Variants in PATJ observed in about 807,000 individuals in gnomAD.
PATJ encodes the protein PATJ crumbs cell polarity complex component, also known as inaD-like protein.
Under a neutral mutation model 224.9 loss-of-function variants are expected in PATJ, and 190 were observed. That is an observed-to-expected ratio of 0.84 (90% CI 0.75 to 0.95). The LOEUF (loss-of-function observed/expected upper bound fraction) is 0.95, where lower values mean the gene tolerates loss of function less well. Among genes scored for constraint, PATJ ranks in the 40% least tolerant of loss-of-function variants. PATJ has a pLI of 0.00. For missense variants in PATJ, 2,121 were observed against 2,270.3 expected (o/e 0.93, Z 1.34); for synonymous variants, 769 against 820.3 (o/e 0.94, Z 1.07).
At chr1:62,120,697 T>C in intron 37 of PATJ, among the ~76,000 whole-genome samples, 1 of 152,208 alleles carries the variant, frequency 6.6e-6, no homozygotes, top group East Asian at 1.9e-4. Context: ...GATTTGGTGC[T>C]TTTTTCCCCA....
At chr1:61,844,444 C>T (rs556089449) in intron 17 of PATJ, among the ~76,000 whole-genome samples, 8 of 152,290 alleles carry the variant, frequency 5.3e-5, no homozygotes, top group South Asian at 2.1e-4. Flanking sequence ...CTAACAATTA[C>T]GTACTGCTTA....
chr1:61,893,805 G>T (rs2498987), intron 22 of PATJ, among the ~76,000 whole-genome samples: 35,536 of 149,574 alleles, frequency 0.24, 4,853 homozygotes, highest in African/African-American at 0.37. Context: ...AAAAAGAAGT[G>T]AATGCCTATA....
chr1:61,896,728 TG>T (rs1359360017), intron 22 of PATJ, among the ~76,000 whole-genome samples: 1 of 152,156 alleles, frequency 6.6e-6, no homozygotes, highest in Non-Finnish European at 1.5e-5. Context: ...GATTGGATCA[TG>T]GGGGAAGTTT....
rs112825074 is a variant in PATJ, at chr1:61,824,120, A to G, written c.1818+1041A>G. Among the ~76,000 whole-genome samples, 564 of 152,240 alleles carry G rather than the reference A, an allele frequency of 3.7e-3. 7 individuals carry two copies. Among genetic ancestry groups the G allele is most frequent in the African/African-American group, 0.013 (539 of 41,550 alleles). ...GGCCATATCTTTGTGGATATCATAC[A>G]TGATCATTTGTAGATTGGAAACTAT... On this transcript the variant is annotated intron_variant, in intron 15 of 43. Transcript: ENST00000642238.
intron 27 of PATJ, among the ~76,000 whole-genome samples, chr1:61,959,434 C>CTTTTT (rs1367332894): frequency 8.6e-6 from 1 of 115,976 alleles, no homozygotes; most frequent in African/African-American, 3.4e-5. Flanking sequence ...TATTTTTTTT[C>CTTTTT]TTTTCTTTTT....
intron 18 of PATJ, among the ~76,000 whole-genome samples, chr1:61,858,114 G>A (rs1221280879): frequency 6.6e-6 from 1 of 152,280 alleles, no homozygotes; most frequent in Non-Finnish European, 1.5e-5. Context: ...CAGTTCTACA[G>A]CCTGTACAGG....
intron 27 of PATJ, among the ~76,000 whole-genome samples, chr1:61,940,006 G>GCTTCATATCCTAAGGGATATGTCC (rs1553212598): frequency 3.3e-5 from 5 of 151,912 alleles, no homozygotes; most frequent in Non-Finnish European, 7.4e-5. Flanking sequence ...GAATAATTCA[G>GCTTCATATCCTAAGGGATATGTCC]CTTCATATCC....
intron 7 of PATJ, 50 bp from the exon 8 acceptor site, chr1:61,787,704 G>C (rs370767136): frequency 8.7e-6 from 12 of 1,376,358 alleles, no homozygotes; most frequent in Non-Finnish European, 1.2e-5. Flanking sequence ...TTATTAACCA[G>C]TGAAGTTACA....
chr1:62,034,370 G>A (rs948522503), intron 29 of PATJ, among the ~76,000 whole-genome samples: 1 of 151,100 alleles, frequency 6.6e-6, no homozygotes, highest in African/African-American at 2.4e-5. Context: ...TTAAACCTGG[G>A]AGGTGGAGGC....
intron 30 of PATJ, among the ~76,000 whole-genome samples, chr1:62,046,626 G>A (rs144187403): frequency 2.6e-4 from 40 of 152,306 alleles, no homozygotes; most frequent in Non-Finnish European, 4.6e-4. Context: ...TTTCAGTCCC[G>A]TCAGGGAGAT....
rs1286833 is a variant in PATJ, at chr1:61,808,681, A to T, written c.1683+151A>T. ...GTTAGGATTACAGGTGGAGCCACTGAACTCGGCCCATTTTTTTATCGTTTG... is the reference window on the plus strand; with the variant it reads ...GTTAGGATTACAGGTGGAGCCACTGTACTCGGCCCATTTTTTTATCGTTTG... On this transcript the variant is annotated intron_variant, in intron 14 of 43. Transcript: ENST00000642238. The T allele has an allele frequency of 5.1e-3, 2,822 of 548,872 alleles. 63 individuals carry two copies. The highest frequency in any genetic ancestry group is 0.049 in the African/African-American group (2,510 of 50,858). The allele number at this position is 548,872 out of a possible 1,614,324, so 34.0% of individuals were successfully genotyped here. A position where few individuals can be genotyped will look rare whatever the true frequency, so the allele number is the denominator to read the frequency against.
At chr1:61,952,966 A>G (rs1419829301) in intron 27 of PATJ, among the ~76,000 whole-genome samples, 2 of 152,180 alleles carry the variant, frequency 1.3e-5, no homozygotes, top group East Asian at 3.8e-4. Flanking sequence ...AAAATAACAC[A>G]TTAATTATTT....
rs750897338 is a variant in PATJ, at chr1:62,117,116, T to C, written c.4804-16T>C. On this transcript the variant is annotated splice_polypyrimidine_tract_variant and intron_variant, in intron 36 of 43. Transcript: ENST00000642238. ...GCTACTACTTTTCATTTCTGTTCTT[T>C]TCTTGCCTTTCCAAGTGTGCACAGG... 2 of 1,606,078 alleles carry C rather than the reference T, an allele frequency of 1.2e-6. No individual in the cohort carries two copies. The highest frequency in any genetic ancestry group is 2.2e-5 in the East Asian group (1 of 44,848).
intron 28 of PATJ, among the ~76,000 whole-genome samples, chr1:62,007,401 A>G (rs570009893): frequency 6.6e-6 from 1 of 152,338 alleles, no homozygotes; most frequent in East Asian, 1.9e-4. Flanking sequence ...AGAGCATAGA[A>G]AGCTCCTTTG....
intron 31 of PATJ, among the ~76,000 whole-genome samples, chr1:62,054,098 T>C (rs1654129984): frequency 6.6e-6 from 1 of 151,964 alleles, no homozygotes; most frequent in Non-Finnish European, 1.5e-5. Context: ...ACCTAACATA[T>C]ACATAAATGT....
At chr1:61,974,602 C>CA (rs1445624605) in intron 27 of PATJ, among the ~76,000 whole-genome samples, 2 of 151,776 alleles carry the variant, frequency 1.3e-5, no homozygotes, top group South Asian at 2.1e-4. Context: ...GACTCTGTCT[C>CA]AAAAAACAAA....
intron 28 of PATJ, chr1:62,013,591 G>A (rs1014961801): frequency 1.2e-6 from 1 of 808,072 alleles, no homozygotes; most frequent in Admixed American, 6.2e-5. Context: ...ACCATGTTGT[G>A]TTGTGGTATA....
At chr1:62,131,170 C>A (rs1379694508) in intron 41 of PATJ, among the ~76,000 whole-genome samples, 1 of 152,190 alleles carries the variant, frequency 6.6e-6, no homozygotes, top group East Asian at 1.9e-4. Context: ...ATCTGCTTCC[C>A]CTCAACTCCT....
At chr1:61,888,505 T>G (rs939452879) in intron 22 of PATJ, among the ~76,000 whole-genome samples, 1 of 152,086 alleles carries the variant, frequency 6.6e-6, no homozygotes, top group African/African-American at 2.4e-5. Flanking sequence ...GCCAGGCTGG[T>G]CTGAAACTCC....
Sources: allele counts gnomAD v4.1 joint callset (sites outside exome capture counted in the v4.1 genomes callset), GRCh38; gene constraint gnomAD v4.1.1; transcripts MANE v1.5; gene names NCBI Gene and HGNC (gene_info 2026-07-23, HGNC 2026-07-21).